Variants in FNBP4 observed in about 807,000 individuals in gnomAD.
The protein encoded by FNBP4 is formin binding protein 4, also known as formin-binding protein 4.
In FNBP4, 34 loss-of-function variants were observed where a neutral mutation model predicts 119.3. That is an observed-to-expected ratio of 0.28 (90% confidence interval 0.22 to 0.38). The LOEUF (loss-of-function observed/expected upper bound fraction) is 0.38. FNBP4 is among the 10% of genes least tolerant of loss of function. The pLI is 1.00. For synonymous variants in FNBP4, 462 were observed against 430.6 expected (o/e 1.07, Z -0.90); for missense variants, 1,112 against 1,228.9 (o/e 0.90, Z 1.42).
intron 7 of FNBP4, 87 bp from the exon 8 acceptor site, chr11:47,744,250 A>C: frequency 8.0e-7 from 1 of 1,248,802 alleles, no homozygotes; most frequent in Non-Finnish European, 1.1e-6. Flanking sequence ...ATGTTGTTGA[A>C]ATTTAAATTC....
chr11:47,739,235 C>T (rs988086986), intron 8 of FNBP4, among the ~76,000 whole-genome samples: 1 of 152,036 alleles, frequency 6.6e-6, no homozygotes, highest in Non-Finnish European at 1.5e-5. Flanking sequence ...CGGCCTAAAA[C>T]TTTTTATTAA....
At chr11:47,762,906 C>CAAAAAAAAAA (rs56659957) in intron 2 of FNBP4, among the ~76,000 whole-genome samples, 9 of 100,636 alleles carry the variant, frequency 8.9e-5, no homozygotes, top group Admixed American at 2.4e-4. Context: ...ACTCTGATTC[C>CAAAAAAAAAA]AAAAAAAAAA....
At chr11:47,731,840 G>A in intron 11 of FNBP4, 1 of 1,115,842 alleles carries the variant, frequency 9.0e-7, no homozygotes, top group Non-Finnish European at 1.1e-6. Flanking sequence ...TTTGTGATTT[G>A]CCAATGCATA....
chr11:47,741,266 C>T (rs2097581596), intron 8 of FNBP4, among the ~76,000 whole-genome samples: 1 of 151,546 alleles, frequency 6.6e-6, no homozygotes, highest in Non-Finnish European at 1.5e-5. Flanking sequence ...AACTCCTGGG[C>T]TCAAGCTATC....
In FNBP4 at chr11:47,739,537, T is replaced by G. The variant is rs145822845; in HGVS notation, c.1457-2797A>C. ...GCAATATACCACTAGGAATCTTTAC[T>G]GCTGTGAAACTAGAATGTACATAAA... is the stretch of plus-strand genomic sequence containing the variant. On this transcript the variant is annotated intron_variant, in intron 8 of 16. Coordinates refer to ENST00000263773, the MANE Select transcript of FNBP4 (RefSeq NM_015308.5). 3.2e-3 allele frequency among the ~76,000 whole-genome samples: 489 copies of G among 152,300 alleles called. 1 individual carries two copies. Among genetic ancestry groups the G allele is most frequent in the African/African-American group, 0.011 (474 of 41,562 alleles).
At chr11:47,762,374 G>C (rs142674064) in intron 2 of FNBP4, among the ~76,000 whole-genome samples, 1 of 151,968 alleles carries the variant, frequency 6.6e-6, no homozygotes, top group Admixed American at 6.6e-5. Flanking sequence ...TCATCCGCCC[G>C]CCTTGGCCTC....
At chr11:47,719,568 ATGTGTGTATG>A (rs757796468) in intron 16 of FNBP4, among the ~76,000 whole-genome samples, 89 of 104,922 alleles carry the variant, frequency 8.5e-4, no homozygotes, top group African/African-American at 2.7e-3. Flanking sequence ...TTAATATGTT[ATGTGTGTATG>A]TGTGTGTGTG....
intron 7 of FNBP4, 104 bp downstream of exon 7, chr11:47,745,952 A>G (rs1177741869): frequency 4.9e-6 from 5 of 1,029,814 alleles, no homozygotes; most frequent in Non-Finnish European, 7.1e-6. Flanking sequence ...AGATGATGGG[A>G]TAAGAAAAAC....
At chr11:47,733,050 G>T (rs946796232) in intron 10 of FNBP4, among the ~76,000 whole-genome samples, 1 of 152,158 alleles carries the variant, frequency 6.6e-6, no homozygotes, top group African/African-American at 2.4e-5. Context: ...CCCGGGAGGC[G>T]GAGGTTGTGG....
At chr11:47,743,641 T>C (rs2097585392) in intron 8 of FNBP4, among the ~76,000 whole-genome samples, 1 of 152,136 alleles carries the variant, frequency 6.6e-6, no homozygotes, top group Non-Finnish European at 1.5e-5. Context: ...GAAGACAACT[T>C]GGGTCCTCAT....
rs1223448553 is a variant in FNBP4 at position 47,723,101 on chromosome 11, G to A, written c.2680C>T (p.Arg894Ter). Residue 894 changes from arginine to a stop codon, truncating the protein, a stop_gained, in exon 15 of 17, where the codon CGA becomes TGA. Transcript: ENST00000263773. LOFTEE classifies it high-confidence loss of function. ...ATGGTAGCGGTAGGCACAGCACCTCGGGCCTGAACTGGCTGCAATGAGGGA... is the reference window on the plus strand; with the variant it reads ...ATGGTAGCGGTAGGCACAGCACCTCAGGCCTGAACTGGCTGCAATGAGGGA... Reference protein sequence around the residue: ...TAPSLQPVQARGAVPTATIIE... With the variant: ...TAPSLQPVQA 1.2e-6 allele frequency: 2 copies of A among 1,613,776 alleles called. No homozygotes were observed. The highest frequency in any genetic ancestry group is 2.2e-5 in the East Asian group (1 of 44,856).
chr11:47,738,990 G>T (rs2097578093), intron 8 of FNBP4, among the ~76,000 whole-genome samples: 1 of 150,348 alleles, frequency 6.7e-6, no homozygotes, highest in Middle Eastern at 3.3e-3. Flanking sequence ...CAGATGTGAG[G>T]CACGGCGCCT....
At chr11:47,748,505 G>A (rs1051123986) in intron 6 of FNBP4, among the ~76,000 whole-genome samples, 1 of 151,882 alleles carries the variant, frequency 6.6e-6, no homozygotes, top group Non-Finnish European at 1.5e-5. Flanking sequence ...CTCCTGAGTA[G>A]CTGGGACTAC....
intron 15 of FNBP4, among the ~76,000 whole-genome samples, chr11:47,721,711 T>C (rs561423355): frequency 1.7e-4 from 26 of 152,054 alleles, no homozygotes; most frequent in African/African-American, 6.0e-4. Context: ...ATAATAAACA[T>C]ACAGATTTTT....
At chr11:47,743,379 A>C (rs1203767494) in intron 8 of FNBP4, among the ~76,000 whole-genome samples, 1 of 152,086 alleles carries the variant, frequency 6.6e-6, no homozygotes, top group East Asian at 1.9e-4. Context: ...GCTACTCGGG[A>C]GGCTGAGGTA....
In FNBP4 at chr11:47,767,125, G is replaced by A; in HGVS notation, c.164C>T (p.Thr55Met). ...GGCAGTCACCGCGGTGGTGGTGGTC[G>A]TCGCCGCCGACGGGGCGGGCTGGCT... ...VPSQPAPSAA[T>M]TTTTAVTAAA... Residue 55 changes from threonine to methionine, a missense_variant, in exon 1 of 17, where the codon ACG becomes ATG. This residue lies in a region of FNBP4 where 286 missense variants were observed against 240.1 expected (regional missense o/e 1.19). Transcript: ENST00000263773. The A allele has an allele frequency of 1.3e-6, 2 of 1,539,740 alleles. No homozygotes were observed. The highest frequency in any genetic ancestry group is 2.5e-5 in the East Asian group (1 of 40,372).
intron 2 of FNBP4, among the ~76,000 whole-genome samples, chr11:47,763,035 G>A (rs1036163838): frequency 7.3e-5 from 11 of 151,246 alleles, no homozygotes; most frequent in African/African-American, 2.7e-4. Flanking sequence ...CCATTTTCAG[G>A]GGCGTTAAAA....
chr11:47,717,225 A>T lies in FNBP4; in HGVS notation c.*197T>A. On this transcript the variant is annotated 3_prime_UTR_variant, in exon 17 of 17. Coordinates refer to ENST00000263773, the MANE Select transcript of FNBP4 (RefSeq NM_015308.5). ...AAGGCAGCATGGTCAAAGCAATTCC[A>T]ATCACCTCATCCCTTTGCAAAAACA... 4.0e-6 allele frequency: 2 copies of T among 499,792 alleles called. No individual in the cohort carries two copies. The highest frequency in any genetic ancestry group is 7.1e-6 in the Non-Finnish European group (2 of 281,562). The allele number at this position is 499,792 out of a possible 1,614,324, so 31.0% of individuals were successfully genotyped here. A position where few individuals can be genotyped will look rare whatever the true frequency, so the allele number is the denominator to read the frequency against.
chr11:47,751,216 T>C lies in FNBP4; in HGVS notation c.712A>G (p.Thr238Ala). The change falls in exon 5 of 17, where the codon ACA (threonine) becomes GCA (alanine). Residue 238 changes from threonine (T) to alanine (A), a missense_variant. By Grantham distance (58) the Thr-to-Ala change is moderately conservative (BLOSUM62 0). Coordinates refer to ENST00000263773, the MANE Select transcript of FNBP4 (RefSeq NM_015308.5). ...GGTAACTCCCAAGTCACTTCATTTG[T>C]TTGTGTATTCCAATAATAATAACAT... ...TGCYYYWNTQ[T>A]NEVTWELPQY... The C allele has an allele frequency of 6.2e-7, 1 of 1,614,164 alleles. No homozygotes were observed. The highest frequency in any genetic ancestry group is 8.5e-7 in the Non-Finnish European group (1 of 1,180,024).
Sources: gnomAD v4.1 joint callset for allele counts (sites outside exome capture counted in the v4.1 genomes callset) on GRCh38, gnomAD v4.1.1 for gene constraint, gnomAD v4.1.1 regional missense constraint, MANE v1.5 for transcripts, NCBI Gene and HGNC (gene_info 2026-07-23, HGNC 2026-07-21) for gene names.